Variants in EAPP observed in about 807,000 individuals in gnomAD.
EAPP encodes E2F-associated phosphoprotein.
A neutral mutation model predicts 34.3 loss-of-function variants in EAPP; 38 were observed. The ratio of observed to expected loss-of-function variants is 1.11; its 90% CI spans 0.85 to 1.45. EAPP has a LOEUF of 1.45. EAPP is among the 40% of genes most tolerant of loss of function. EAPP has a pLI of 0.00. For synonymous variants in EAPP, 113 were observed against 117.6 expected (o/e 0.96, Z 0.25); for missense variants, 338 against 343.7 (o/e 0.98, Z 0.13).
rs541154582 is a variant in EAPP at position 34,535,429 on chromosome 14, C to A, written c.256+665G>T. Among the ~76,000 whole-genome samples, 4 of 126,696 alleles carry A rather than the reference C, an allele frequency of 3.2e-5. No individual in the cohort carries two copies. The East Asian group carries it at 9.7e-4, about 31-fold the overall frequency. The allele number at this position is 126,696 out of a possible 152,430, so 83.1% of individuals were successfully genotyped here. A position where few individuals can be genotyped will look rare whatever the true frequency, so the allele number is the denominator to read the frequency against. On this transcript the variant is annotated intron_variant, in intron 2 of 5. Coordinates refer to ENST00000250454, the MANE Select transcript of EAPP (RefSeq NM_018453.4). ...ACAGGTGTGAGCCACTGCACCCGGT[C>A]GCTACAGATTTTTTTTTTTTTTAGA...
chr14:34,539,281 T>C, intron 1 of EAPP: 1 of 643,726 alleles, frequency 1.6e-6, no homozygotes, highest in East Asian at 2.9e-5. Context: ...TACTAAGGTG[T>C]AGAGACAGGT....
chr14:34,527,350 C>T (rs1438272080), intron 4 of EAPP, among the ~76,000 whole-genome samples: 2 of 151,976 alleles, frequency 1.3e-5, no homozygotes, highest in African/African-American at 4.8e-5. Context: ...ATAGTCCCAG[C>T]TACTCAGAAG....
chr14:34,535,668 G>A (rs1880448488), intron 2 of EAPP, among the ~76,000 whole-genome samples: 2 of 149,976 alleles, frequency 1.3e-5, no homozygotes, highest in South Asian at 2.1e-4. Context: ...TCCTGACCTC[G>A]TGATCCGCCC....
rs948640221 is a variant in EAPP, at chr14:34,519,096, C to A, written c.582-2510G>T. Among the ~76,000 whole-genome samples the A allele has an allele frequency of 5.3e-5, 8 of 152,256 alleles. No homozygotes were observed. In the East Asian group the frequency reaches 1.5e-3, roughly 29 times the overall value. ...GTGGGAGGTGACTAGATCTTGGGGG[C>A]AGACTTCCCCCTCGTGCTGCTCTTG... On this transcript the variant is annotated intron_variant, in intron 5 of 5. Transcript: ENST00000250454.
chr14:34,523,467 C>T (rs1594660284), intron 5 of EAPP, among the ~76,000 whole-genome samples: 1 of 151,674 alleles, frequency 6.6e-6, no homozygotes, highest in South Asian at 2.1e-4. Flanking sequence ...CCTCGTGATC[C>T]GCCCACCTCG....
At position 34,516,525 on chromosome 14, in the gene EAPP, C is replaced by G. The variant is rs1177173198; in HGVS notation, c.643G>C (p.Glu215Gln). 1 of 1,614,018 alleles carries G rather than the reference C, an allele frequency of 6.2e-7. No homozygotes were observed. Among genetic ancestry groups the G allele is most frequent in the East Asian group, 2.2e-5 (1 of 44,878 alleles). ...MFVMNCSINK[E>Q]EVLRYKASEN... ...GAGGCTTTATATCTTAGAACCTCCT[C>G]TTTGTTAATAGAACAATTCATTACA... Residue 215 changes from glutamate (E) to glutamine (Q), a missense_variant, in exon 6 of 6, where the codon GAG becomes CAG. Coordinates refer to ENST00000250454, the MANE Select transcript of EAPP (RefSeq NM_018453.4).
intron 1 of EAPP, among the ~76,000 whole-genome samples, chr14:34,537,160 A>C (rs990406194): frequency 6.6e-6 from 1 of 152,054 alleles, no homozygotes; most frequent in African/African-American, 2.4e-5. Context: ...ACAGATATGC[A>C]CCACCATACC....
At chr14:34,522,571 T>A (rs943654665) in intron 5 of EAPP, among the ~76,000 whole-genome samples, 1 of 152,218 alleles carries the variant, frequency 6.6e-6, no homozygotes, top group East Asian at 1.9e-4. Context: ...TAGATATGTT[T>A]GCCTAGAGAT....
intron 4 of EAPP, among the ~76,000 whole-genome samples, chr14:34,528,093 G>A (rs984408552): frequency 6.8e-6 from 1 of 147,242 alleles, no homozygotes; most frequent in African/African-American, 2.5e-5. Flanking sequence ...CCAGGCTGGA[G>A]TACAGTGGTA....
intron 5 of EAPP, among the ~76,000 whole-genome samples, chr14:34,523,352 C>T (rs1026298143): frequency 6.6e-6 from 1 of 151,756 alleles, no homozygotes; most frequent in African/African-American, 2.4e-5. Context: ...ATTCTCCTGC[C>T]TCAGCCTCCG....
At chr14:34,524,577 C>T (rs1594661312) in intron 5 of EAPP, 120 bp downstream of exon 5, 1 of 730,556 alleles carries the variant, frequency 1.4e-6, no homozygotes, top group East Asian at 2.8e-5. Flanking sequence ...GATTGTGCCA[C>T]TGCACTCCAG....
chr14:34,517,242 CTA>C (rs1283434110), intron 5 of EAPP, among the ~76,000 whole-genome samples: 10 of 139,004 alleles, frequency 7.2e-5, no homozygotes, highest in Non-Finnish European at 6.1e-5. Flanking sequence ...CCAGACGATT[CTA>C]TTTCTTTTTT....
intron 3 of EAPP, among the ~76,000 whole-genome samples, chr14:34,530,249 A>C (rs1880238725): frequency 1.3e-5 from 2 of 152,064 alleles, no homozygotes; most frequent in Non-Finnish European, 2.9e-5. Flanking sequence ...GTGCTTGTCC[A>C]GGTAGGGTGC....
At chr14:34,533,640 A>C in intron 2 of EAPP, 101 bp from the exon 3 acceptor site, 6 of 685,338 alleles carry the variant, frequency 8.8e-6, no homozygotes, top group Non-Finnish European at 1.5e-5. Flanking sequence ...ATATCAACTC[A>C]TTCACAAACT....
intron 4 of EAPP, among the ~76,000 whole-genome samples, chr14:34,525,651 C>T (rs549419432): frequency 6.6e-6 from 1 of 152,136 alleles, no homozygotes; most frequent in Non-Finnish European, 1.5e-5. Flanking sequence ...CTATCCTACA[C>T]GGGGTCCTCA....
intron 5 of EAPP, among the ~76,000 whole-genome samples, chr14:34,523,794 C>T (rs1328503100): frequency 6.6e-6 from 1 of 152,048 alleles, no homozygotes; most frequent in Non-Finnish European, 1.5e-5. Flanking sequence ...TCGCCTTAGC[C>T]TCCCATAGCA....
intron 3 of EAPP, among the ~76,000 whole-genome samples, chr14:34,532,184 G>A (rs976419961): frequency 5.3e-5 from 8 of 150,242 alleles, no homozygotes; most frequent in African/African-American, 1.5e-4. Flanking sequence ...AGGCCAGGCC[G>A]CGGTGGCTCA....
chr14:34,524,710 G>C lies in EAPP; in HGVS notation c.568C>G (p.Leu190Val), dbSNP rs370105965. 7.4e-5 allele frequency: 116 copies of C among 1,564,812 alleles called. No homozygotes were observed. The highest frequency in any genetic ancestry group is 9.2e-5 in the Non-Finnish European group (105 of 1,143,868). ...NCPACMTTLC[L>V]DCQRHESYKT... ...TTCATCCATTACCTTTGGCAATCAA[G>C]GCAAAGTGTGGTCATGCAGGCAGGA... is the stretch of plus-strand genomic sequence containing the variant. Residue 190 changes from leucine (L) to valine (V), a missense_variant, in exon 5 of 6, where the codon CTT becomes GTT. Coordinates refer to ENST00000250454, the MANE Select transcript of EAPP (RefSeq NM_018453.4).
At chr14:34,528,282 C>T (rs1478178931) in intron 4 of EAPP, among the ~76,000 whole-genome samples, 17 of 151,764 alleles carry the variant, frequency 1.1e-4, no homozygotes, top group African/African-American at 3.9e-4. Context: ...GTGATCCGCC[C>T]GCCTTGGCCT....
Sources: gnomAD v4.1 joint callset for allele counts (sites outside exome capture counted in the v4.1 genomes callset) on GRCh38, gnomAD v4.1.1 for gene constraint, MANE v1.5 for transcripts, NCBI Gene and HGNC (gene_info 2026-07-23, HGNC 2026-07-21) for gene names.